Variants in FHIT observed in about 807,000 individuals in gnomAD.
The protein encoded by FHIT is fragile histidine triad diadenosine triphosphatase.
In FHIT, 19 loss-of-function variants were observed where a neutral mutation model predicts 17.9. The ratio of observed to expected loss-of-function variants is 1.06; its 90% CI spans 0.74 to 1.56. FHIT has a LOEUF of 1.56. FHIT is among the 40% of genes most tolerant of loss of function. The probability of loss-of-function intolerance (pLI) is 0.00; values close to 1 mark genes in which losing one functional copy is unlikely to be tolerated. For synonymous variants in FHIT, 81 were observed against 69.7 expected (o/e 1.16, Z -0.81); for missense variants, 248 against 189.2 (o/e 1.31, Z -1.82).
At chr3:61,215,934 CT>C (rs776312250) in intron 1 of FHIT, among the ~76,000 whole-genome samples, 1 of 152,042 alleles carries the variant, frequency 6.6e-6, no homozygotes, top group Non-Finnish European at 1.5e-5. Context: ...GGAAAACTAG[CT>C]AGCCATATGT....
intron 4 of FHIT, among the ~76,000 whole-genome samples, chr3:60,623,685 G>C (rs2039198897): frequency 6.6e-6 from 1 of 152,154 alleles, no homozygotes; most frequent in South Asian, 2.1e-4. Context: ...TGTCATATTG[G>C]TAAGATACAA....
chr3:60,661,950 A>T (rs953584411), intron 4 of FHIT, among the ~76,000 whole-genome samples: 7 of 151,976 alleles, frequency 4.6e-5, no homozygotes, highest in Non-Finnish European at 8.8e-5. Flanking sequence ...GATTCTGGAT[A>T]TTGGTCCTCT....
intron 7 of FHIT, among the ~76,000 whole-genome samples, chr3:59,927,090 A>G (rs1705699504): frequency 6.6e-6 from 1 of 152,160 alleles, no homozygotes; most frequent in African/African-American, 2.4e-5. Context: ...TCAACTGATC[A>G]ATGGTAAACA....
chr3:61,215,517 A>G (rs2039644783), intron 1 of FHIT, among the ~76,000 whole-genome samples: 1 of 152,214 alleles, frequency 6.6e-6, no homozygotes, highest in Admixed American at 6.5e-5. Flanking sequence ...ATGGAAGAAC[A>G]TTCTATGCTC....
intron 5 of FHIT, among the ~76,000 whole-genome samples, chr3:60,121,980 G>A (rs889224401): frequency 6.6e-6 from 1 of 152,056 alleles, no homozygotes. Flanking sequence ...TATCAGGCCT[G>A]CTAAGTATAA....
At chr3:60,395,606 A>C (rs1304448140) in intron 5 of FHIT, among the ~76,000 whole-genome samples, 2 of 152,136 alleles carry the variant, frequency 1.3e-5, no homozygotes, top group African/African-American at 4.8e-5. Flanking sequence ...TCCAAAGGCT[A>C]ATTTGTGCTT....
At chr3:60,438,864 A>C (rs1176319940) in intron 5 of FHIT, among the ~76,000 whole-genome samples, 1 of 152,134 alleles carries the variant, frequency 6.6e-6, no homozygotes, top group Non-Finnish European at 1.5e-5. Flanking sequence ...AACACTGTAC[A>C]ATCTAGTTCC....
intron 8 of FHIT, among the ~76,000 whole-genome samples, chr3:59,802,285 A>G (rs1700027218): frequency 6.6e-6 from 1 of 152,022 alleles, no homozygotes; most frequent in African/African-American, 2.4e-5. Context: ...TGTGTGCTCT[A>G]GTTCCCAACA....
chr3:61,156,448 C>T (rs953763944), intron 2 of FHIT, among the ~76,000 whole-genome samples: 4 of 152,080 alleles, frequency 2.6e-5, no homozygotes, highest in Non-Finnish European at 4.4e-5. Context: ...TTTATCGAAA[C>T]GGTCCCTAAA....
intron 5 of FHIT, among the ~76,000 whole-genome samples, chr3:60,333,535 C>G (rs1288892260): frequency 6.6e-6 from 1 of 151,458 alleles, no homozygotes; most frequent in Non-Finnish European, 1.5e-5. Flanking sequence ...TTTGTTGTGA[C>G]CTTTCTACAA....
chr3:60,093,205 G>C (rs909560652), intron 5 of FHIT, among the ~76,000 whole-genome samples: 5 of 152,164 alleles, frequency 3.3e-5, no homozygotes, highest in Non-Finnish European at 7.3e-5. Flanking sequence ...CCTGACGCAG[G>C]TCTAAAATCA....
chr3:61,191,858 C>T (rs1036837596), intron 2 of FHIT, among the ~76,000 whole-genome samples: 1 of 151,986 alleles, frequency 6.6e-6, no homozygotes, highest in African/African-American at 2.4e-5. Flanking sequence ...TGCACCATAA[C>T]AAGAACAAAG....
intron 2 of FHIT, among the ~76,000 whole-genome samples, chr3:61,056,623 C>T (rs898606798): frequency 1.2e-4 from 18 of 152,150 alleles, no homozygotes; most frequent in African/African-American, 3.4e-4. Context: ...CCATGTAACA[C>T]GCCTTGGGAA....
intron 3 of FHIT, among the ~76,000 whole-genome samples, chr3:60,961,858 A>C (rs1337941846): frequency 6.6e-6 from 1 of 152,208 alleles, no homozygotes; most frequent in Non-Finnish European, 1.5e-5. Flanking sequence ...GAAGTCAAGT[A>C]GCGTGATGCC....
At chr3:60,816,516 C>T (rs1553737756) in intron 4 of FHIT, among the ~76,000 whole-genome samples, 1 of 151,688 alleles carries the variant, frequency 6.6e-6, no homozygotes, top group African/African-American at 2.4e-5. Context: ...TTTTAAAAAT[C>T]CTATTTATGT....
chr3:60,053,393 A>C (rs530467929), intron 5 of FHIT, among the ~76,000 whole-genome samples: 1 of 147,720 alleles, frequency 6.8e-6, no homozygotes, highest in Admixed American at 6.9e-5. Context: ...AATGTCTGTC[A>C]CATACGAGAT....
At position 59,889,904 on chromosome 3, in the gene FHIT, T is replaced by G. The variant is rs572344072; in HGVS notation, c.348+32442A>C. Reference sequence around the variant, plus strand: ...CTTCCTTCTTTTCTTTTGCGAATGATATTGTAATGAATTTTCTTCAGAGGA... The same window carrying G: ...CTTCCTTCTTTTCTTTTGCGAATGAGATTGTAATGAATTTTCTTCAGAGGA... On this transcript the variant is annotated intron_variant, in intron 8 of 9. Coordinates refer to ENST00000492590, the MANE Select transcript of FHIT (RefSeq NM_002012.4). Among the ~76,000 whole-genome samples the G allele has an allele frequency of 8.5e-5, 13 of 152,336 alleles. 1 individual carries two copies. The South Asian group carries it at 2.7e-3, about 32-fold the overall frequency.
intron 8 of FHIT, among the ~76,000 whole-genome samples, chr3:59,827,675 G>A (rs980732345): frequency 6.6e-6 from 1 of 152,128 alleles, no homozygotes; most frequent in Non-Finnish European, 1.5e-5. Flanking sequence ...GAATTAGTGG[G>A]GCAACAGTTT....
At chr3:60,441,987 T>A (rs184702477) in intron 5 of FHIT, among the ~76,000 whole-genome samples, 1 of 150,496 alleles carries the variant, frequency 6.6e-6, no homozygotes, top group African/African-American at 2.4e-5. Flanking sequence ...GTCTTTCATA[T>A]ACCTGGGACT....
Sources: gnomAD v4.1 joint callset for allele counts (sites outside exome capture counted in the v4.1 genomes callset) on GRCh38, gnomAD v4.1.1 for gene constraint, MANE v1.5 for transcripts, NCBI Gene and HGNC (gene_info 2026-07-23, HGNC 2026-07-21) for gene names.